Variants in CLIP3 observed in about 807,000 individuals in gnomAD.
CLIP3 encodes the protein CAP-Gly domain-containing linker protein 3.
Under a neutral mutation model 59.4 loss-of-function variants are expected in CLIP3, and 15 were observed. That is an observed-to-expected ratio of 0.25 (90% confidence interval 0.17 to 0.39). CLIP3 has a LOEUF of 0.39. Among genes scored for constraint, CLIP3 ranks in the 10% least tolerant of loss-of-function variants. CLIP3 has a pLI of 1.00. For synonymous variants in CLIP3, 300 were observed against 321.6 expected, an observed-to-expected ratio of 0.93 and a Z score of 0.72; for missense variants, 495 against 765.7, an observed-to-expected ratio of 0.65 and a Z score of 4.17.
intron 2 of CLIP3, among the ~76,000 whole-genome samples, chr19:36,027,763 A>C (rs116650579): frequency 2.0e-5 from 3 of 152,374 alleles, no homozygotes; most frequent in African/African-American, 4.8e-5. Flanking sequence ...GACTGGGCAC[A>C]GTGGTTCACA....
rs765940705 is a variant in CLIP3, at chr19:36,027,038, C to T, written c.314G>A (p.Arg105His). ...ACGATCGTTCACATGGCAGCCTCGG[C>T]GCAGAATCTGTGAGTACCAGGGGAG... The part of the protein sequence containing the change: ...KIDVIGNEIL[R>H]RGCHVNDRDG... The change falls in exon 4 of 14, where the codon CGC (arginine) becomes CAC (histidine). Residue 105 changes from arginine to histidine, a missense_variant. By Grantham distance (29) the Arg-to-His change is conservative. Around this residue, in one of 5 missense-constraint regions of CLIP3, gnomAD observed 26 missense variants for 79.5 expected, o/e 0.33. Coordinates refer to ENST00000360535, the MANE Select transcript of CLIP3 (RefSeq NM_015526.3). The T allele has an allele frequency of 5.0e-6, 8 of 1,601,540 alleles. No individual in the cohort carries two copies. The Admixed American group carries it at 1.4e-4, about 29-fold the overall frequency.
At position 36,024,337 on chromosome 19, in the gene CLIP3, G is replaced by A; in HGVS notation, c.918+59C>T. 4 of 1,468,308 alleles carry A rather than the reference G, an allele frequency of 2.7e-6. No homozygotes were observed. In the South Asian group the frequency reaches 4.8e-5, roughly 17 times the overall value. 91.0% of individuals were successfully genotyped at this position (1,468,308 alleles called of 1,614,324 possible). A position where few individuals can be genotyped will look rare whatever the true frequency, so the allele number is the denominator to read the frequency against. On this transcript the variant is annotated intron_variant, in intron 7 of 13. Coordinates refer to ENST00000360535, the MANE Select transcript of CLIP3 (RefSeq NM_015526.3). Reference sequence around the variant, plus strand: ...TCTGCCCGAGGACGCAGCTCCAAGGGATTAAGGGGCTGAGTCCCACCCCCA... The same window carrying A: ...TCTGCCCGAGGACGCAGCTCCAAGGAATTAAGGGGCTGAGTCCCACCCCCA...
rs776540027 is a variant in CLIP3, at chr19:36,017,434, C to G, written c.1468G>C (p.Asp490His). ...SRIQRIGGST[D>H]SPGDSVGAKK... ...GCTCCAACGCTGTCCCCGGGGGAAT[C>G]AGTGGATCCGCCAATCCTGAGGAGA... The change falls in exon 12 of 14, where the codon GAT becomes CAT. Residue 490 changes from aspartate to histidine, a missense_variant. Around this residue, in one of 5 missense-constraint regions of CLIP3, gnomAD observed 179 missense variants for 226.2 expected, o/e 0.79. Coordinates refer to ENST00000360535, the MANE Select transcript of CLIP3 (RefSeq NM_015526.3). 13 of 1,614,118 alleles carry G rather than the reference C, an allele frequency of 8.1e-6. No homozygotes were observed. In the South Asian group the frequency reaches 8.8e-5, roughly 11 times the overall value.
chr19:36,019,399 G>A (rs1246895495), intron 7 of CLIP3, 93 bp from the exon 8 acceptor site: 1 of 1,473,132 alleles, frequency 6.8e-7, no homozygotes, highest in South Asian at 1.2e-5. Context: ...GTTGCATGAG[G>A]CCGCCCTGGG....
intron 9 of CLIP3, 22 bp from the exon 10 acceptor site, chr19:36,018,013 G>A: frequency 6.2e-7 from 1 of 1,612,706 alleles, no homozygotes; most frequent in Non-Finnish European, 8.5e-7. Flanking sequence ...AGGTGTAGGA[G>A]GTGGGTAGTG....
At chr19:36,021,922 A>T (rs1391099986) in intron 7 of CLIP3, among the ~76,000 whole-genome samples, 2 of 151,770 alleles carry the variant, frequency 1.3e-5, no homozygotes, top group Non-Finnish European at 2.9e-5. Flanking sequence ...ACTTTGGCCC[A>T]GGCTGGAGTG....
chr19:36,029,943 G>A (rs527367161), intron 2 of CLIP3, among the ~76,000 whole-genome samples: 122 of 152,102 alleles, frequency 8.0e-4, no homozygotes, highest in Non-Finnish European at 1.4e-3. Flanking sequence ...TATACCCTCC[G>A]ACCTCCCACT....
At chr19:36,022,385 G>A (rs1968975514) in intron 7 of CLIP3, among the ~76,000 whole-genome samples, 2 of 152,148 alleles carry the variant, frequency 1.3e-5, no homozygotes, top group Admixed American at 1.3e-4. Flanking sequence ...AGAATCACTG[G>A]CTCCAGGTCC....
intron 2 of CLIP3, among the ~76,000 whole-genome samples, chr19:36,028,996 C>A (rs201688108): frequency 1.8e-4 from 12 of 65,212 alleles, no homozygotes; most frequent in South Asian, 1.2e-3. Flanking sequence ...ATCTCCTACT[C>A]TTTTTTTTTT....
In CLIP3 at chr19:36,019,295, C is replaced by A. The variant is rs766333186; in HGVS notation, c.930G>T (p.Leu310=). 1 of 1,612,336 alleles carries A rather than the reference C, an allele frequency of 6.2e-7. No individual in the cohort carries two copies. The highest frequency in any genetic ancestry group is 8.5e-7 in the Non-Finnish European group (1 of 1,179,752). ...CAAACTCCGTGGTCCCACAGAACCG[C>A]AGTGTGCCCGTCTGGGGAGAGAAGG... ...VLLDGQKTGT[L]RFCGTTEFAS... Residue 310 remains leucine, a synonymous_variant, in exon 8 of 14, where the codon CTG becomes CTT. Coordinates refer to ENST00000360535, the MANE Select transcript of CLIP3 (RefSeq NM_015526.3).
chr19:36,016,889 CA>C lies in CLIP3; in HGVS notation c.1589+17del. On this transcript the variant is annotated intron_variant, in intron 13 of 13. Transcript: ENST00000360535. The surrounding 1 kb of genome is among the most constrained non-coding windows in gnomAD (Gnocchi z 4.1). Reference sequence around the variant, plus strand: ...CCTGAATGTCACATAGGAGAGGGGACAGGGGTTGGCCACACACCTGGAAATG... The same window carrying C: ...CCTGAATGTCACATAGGAGAGGGGACGGGGTTGGCCACACACCTGGAAATG... 1 of 1,612,462 alleles carries C rather than the reference CA, an allele frequency of 6.2e-7. No homozygotes were observed. The highest frequency in any genetic ancestry group is 2.2e-5 in the East Asian group (1 of 44,852).
intron 2 of CLIP3, among the ~76,000 whole-genome samples, chr19:36,028,287 G>A (rs1952075800): frequency 6.6e-6 from 1 of 152,076 alleles, no homozygotes; most frequent in South Asian, 2.1e-4. Flanking sequence ...GCAGTGAGCT[G>A]AGATGGCGCC....
intron 2 of CLIP3, among the ~76,000 whole-genome samples, chr19:36,031,008 C>CTTTTTTTTTTTTTTTCTTTT (rs374690845): frequency 2.6e-5 from 2 of 77,836 alleles, no homozygotes; most frequent in Non-Finnish European, 4.6e-5. Flanking sequence ...TTTTTCTTTT[C>CTTTTTTTTTTTTTTTCTTTT]TTTTTTTTTT....
At chr19:36,023,013 C>T (rs566370421) in intron 7 of CLIP3, among the ~76,000 whole-genome samples, 2 of 152,258 alleles carry the variant, frequency 1.3e-5, no homozygotes, top group South Asian at 4.1e-4. Flanking sequence ...TGAGATCGCG[C>T]CACCGCACTC....
At chr19:36,024,710 C>A in intron 6 of CLIP3, 78 bp from the exon 7 acceptor site, 2 of 1,381,490 alleles carry the variant, frequency 1.4e-6, no homozygotes, top group Admixed American at 1.8e-5. Context: ...CCCTAGAGAC[C>A]ACCAGTCTGG....
chr19:36,016,162 G>C lies in CLIP3; in HGVS notation c.1640C>G (p.Ser547Cys). ...TTTGTCAGGTGTCCAGGGCCTCTAA[G>C]ACTGCATCTCCGCCCTCAGCATCCA... ...FPWMLRAEMQ[S>C] is the part of the protein sequence containing the mutation. Residue 547 changes from serine to cysteine, a missense_variant, in exon 14 of 14, where the codon TCT becomes TGT. By Grantham distance (112) the Ser-to-Cys change is moderately radical. Transcript: ENST00000360535. This position sits in a 1 kb window ranked among gnomAD's most constrained non-coding sequence, Gnocchi z 4.1. 1.2e-6 allele frequency: 2 copies of C among 1,614,004 alleles called. No individual in the cohort carries two copies. The highest frequency in any genetic ancestry group is 8.5e-7 in the Non-Finnish European group (1 of 1,179,926).
chr19:36,016,637 C>T lies in CLIP3; in HGVS notation c.1589+270G>A, dbSNP rs1206003990. Among the ~76,000 whole-genome samples, 1 of 152,196 alleles carries T rather than the reference C, an allele frequency of 6.6e-6. No homozygotes were observed. Among genetic ancestry groups the T allele is most frequent in the Non-Finnish European group, 1.5e-5 (1 of 68,024 alleles). On this transcript the variant is annotated intron_variant, in intron 13 of 13. Coordinates refer to ENST00000360535, the MANE Select transcript of CLIP3 (RefSeq NM_015526.3). The surrounding 1 kb of genome is among the most constrained non-coding windows in gnomAD (Gnocchi z 4.1). ...TGCTGGGATTAAAGGCATGAGCCACCCCGCCCGGTCTCTAGCTGTTGTTCT... is the reference window on the plus strand; with the variant it reads ...TGCTGGGATTAAAGGCATGAGCCACTCCGCCCGGTCTCTAGCTGTTGTTCT...
In CLIP3 at chr19:36,026,596, C is replaced by T. The variant is rs759391047; in HGVS notation, c.552G>A (p.Ala184=). ...PDLVRVLLKG[A]RPRVVNSTCS... is the part of the protein sequence containing the mutation. The stretch of plus-strand genomic sequence containing the variant: ...GGCTCTCCTCCTCACCTCGCGGCCT[C>T]GCACCCTTCAGCAGCACACGCACGA... The change falls in exon 5 of 14, where the codon GCG becomes GCA. Residue 184 remains alanine, a synonymous_variant. Transcript: ENST00000360535. The surrounding 1 kb of genome is among the most constrained non-coding windows in gnomAD (Gnocchi z 6.3). 16 of 1,613,588 alleles carry T rather than the reference C, an allele frequency of 9.9e-6. 1 individual carries two copies. The Admixed American group carries it at 1.5e-4, about 15-fold the overall frequency.
intron 2 of CLIP3, among the ~76,000 whole-genome samples, chr19:36,029,475 A>G (rs572185349): frequency 1.3e-5 from 2 of 150,374 alleles, no homozygotes; most frequent in South Asian, 2.1e-4. Context: ...TGTAGTGACA[A>G]CGTTTTGCTA....
Sources: allele counts gnomAD v4.1 joint callset (sites outside exome capture counted in the v4.1 genomes callset), GRCh38; gene constraint gnomAD v4.1.1; regional missense constraint gnomAD v4.1.1; non-coding constraint Gnocchi (gnomAD v3.1); transcripts MANE v1.5; gene names NCBI Gene and HGNC (gene_info 2026-07-23, HGNC 2026-07-21).